The following CNTN3 variants were observed in gnomAD, a reference collection of about 807,000 sequenced individuals.
CNTN3 encodes contactin 3.
In CNTN3, 60 loss-of-function variants were observed where a neutral mutation model predicts 119.1. The ratio of observed to expected loss-of-function variants is 0.50; its 90% CI spans 0.41 to 0.62. The LOEUF is 0.62. CNTN3 is among the 20% of genes least tolerant of loss of function. The pLI is 0.00. For missense variants in CNTN3, 1,101 were observed against 1,242.4 expected (o/e 0.89, Z 1.71); for synonymous variants, 450 against 438.7 (o/e 1.03, Z -0.32).
intron 4 of CNTN3, among the ~76,000 whole-genome samples, chr3:74,427,104 G>T (rs555832724): frequency 2.6e-5 from 4 of 152,218 alleles, no homozygotes; most frequent in Non-Finnish European, 5.9e-5. Flanking sequence ...CATTGGTCTA[G>T]AGACAAGCAT....
chr3:74,544,169 G>C (rs776121439), intron 1 of CNTN3, among the ~76,000 whole-genome samples: 64 of 152,066 alleles, frequency 4.2e-4, no homozygotes, highest in Admixed American at 7.2e-4. Flanking sequence ...TGACAAGGGA[G>C]GTCAGGTTGG....
At chr3:74,283,648 G>A (rs995875720) in intron 20 of CNTN3, among the ~76,000 whole-genome samples, 9 of 152,078 alleles carry the variant, frequency 5.9e-5, no homozygotes, top group African/African-American at 2.2e-4. Flanking sequence ...TTAAGTCAGA[G>A]AAAAGAGCCA....
intron 11 of CNTN3, among the ~76,000 whole-genome samples, chr3:74,343,829 T>G (rs1051108728): frequency 1.3e-5 from 2 of 152,214 alleles, no homozygotes; most frequent in Non-Finnish European, 2.9e-5. Context: ...GGATTTGCAT[T>G]TTTATCACAT....
intron 17 of CNTN3, among the ~76,000 whole-genome samples, chr3:74,299,436 G>C (rs614023): frequency 3.5e-4 from 53 of 151,982 alleles, no homozygotes; most frequent in African/African-American, 1.2e-3. Flanking sequence ...CTTCACCAGT[G>C]GGGGCTGCAC....
chr3:74,457,024 T>A (rs1702282425), intron 4 of CNTN3, among the ~76,000 whole-genome samples: 1 of 152,098 alleles, frequency 6.6e-6, no homozygotes, highest in African/African-American at 2.4e-5. Flanking sequence ...CAACAGTCTG[T>A]TAATGGTCAA....
chr3:74,275,283 C>T (rs1188616533), intron 20 of CNTN3, among the ~76,000 whole-genome samples: 4 of 152,152 alleles, frequency 2.6e-5, no homozygotes, highest in Admixed American at 2.6e-4. Context: ...TATCCAAATA[C>T]AAGAACCAGA....
intron 20 of CNTN3, among the ~76,000 whole-genome samples, chr3:74,272,539 G>C (rs1202633282): frequency 6.6e-6 from 1 of 152,160 alleles, no homozygotes; most frequent in East Asian, 1.9e-4. Context: ...ACACCCTCCT[G>C]AATCTGAGGA....
intron 1 of CNTN3, among the ~76,000 whole-genome samples, chr3:74,581,796 G>C (rs963190116): frequency 1.3e-5 from 2 of 152,094 alleles, no homozygotes; most frequent in Admixed American, 6.5e-5. Flanking sequence ...AGTTCAGAAA[G>C]AGACCCCACT....
At chr3:74,358,581 C>CTTTT (rs1278876442) in intron 11 of CNTN3, among the ~76,000 whole-genome samples, 1,423 of 130,918 alleles carry the variant, frequency 0.011, 25 homozygotes, top group African/African-American at 0.036. Context: ...GAAGTGTATT[C>CTTTT]TTTTTTTTTT....
Position 74,391,883 on chromosome 3 carries a change from C to T in CNTN3, c.455-20484G>A, listed in dbSNP as rs551279191. Reference sequence around the variant, plus strand: ...ATGTTGGTCAGGCTGGTCTTGAACTCCTAACCTCAAGTGATCAGCCCACCT... The same window carrying T: ...ATGTTGGTCAGGCTGGTCTTGAACTTCTAACCTCAAGTGATCAGCCCACCT... On this transcript the variant is annotated intron_variant, in intron 5 of 22. Transcript: ENST00000263665. Among the ~76,000 whole-genome samples, 134 of 152,272 alleles carry T rather than the reference C, an allele frequency of 8.8e-4. 3 individuals carry two copies. The South Asian group carries it at 0.026, about 30-fold the overall frequency.
chr3:74,457,027 A>G (rs1026086640), intron 4 of CNTN3, among the ~76,000 whole-genome samples: 1 of 152,110 alleles, frequency 6.6e-6, no homozygotes, highest in African/African-American at 2.4e-5. Flanking sequence ...CAGTCTGTTA[A>G]TGGTCAAATT....
chr3:74,551,600 AATC>A (rs1703991071), intron 1 of CNTN3, among the ~76,000 whole-genome samples: 2 of 151,722 alleles, frequency 1.3e-5, no homozygotes. Flanking sequence ...CTGCCCTAAA[AATC>A]ATCAGCATCT....
At chr3:74,452,628 T>C (rs1407836969) in intron 4 of CNTN3, among the ~76,000 whole-genome samples, 1 of 108,250 alleles carries the variant, frequency 9.2e-6, no homozygotes, top group Non-Finnish European at 1.9e-5. Flanking sequence ...TTTTTGCCCA[T>C]TCAGTATGAT....
chr3:74,393,738 G>A (rs574119384), intron 5 of CNTN3, among the ~76,000 whole-genome samples: 1 of 152,336 alleles, frequency 6.6e-6, no homozygotes, highest in African/African-American at 2.4e-5. Flanking sequence ...GGGCCAGAAA[G>A]AGATCTGTGA....
chr3:74,443,571 T>C (rs1360756018), intron 4 of CNTN3, among the ~76,000 whole-genome samples: 1 of 152,102 alleles, frequency 6.6e-6, no homozygotes, highest in Non-Finnish European at 1.5e-5. Context: ...CTCTGCACCA[T>C]CTCTCCATCC....
At chr3:74,413,821 T>A (rs1364223319) in intron 5 of CNTN3, among the ~76,000 whole-genome samples, 2 of 152,122 alleles carry the variant, frequency 1.3e-5, no homozygotes, top group Admixed American at 1.3e-4. Flanking sequence ...AAAAACAGGT[T>A]TTAAATAAAA....
chr3:74,556,437 A>G (rs1212516312), intron 1 of CNTN3, among the ~76,000 whole-genome samples: 1 of 152,194 alleles, frequency 6.6e-6, no homozygotes, highest in Non-Finnish European at 1.5e-5. Context: ...CTCACTTAGC[A>G]TAGTATTTTC....
chr3:74,391,209 T>G (rs1704891045), intron 5 of CNTN3, among the ~76,000 whole-genome samples: 1 of 151,714 alleles, frequency 6.6e-6, no homozygotes, highest in East Asian at 1.9e-4. Context: ...AAAATGGGAG[T>G]TTTTCAGATT....
At chr3:74,574,198 A>G (rs937555941) in intron 1 of CNTN3, among the ~76,000 whole-genome samples, 3 of 152,186 alleles carry the variant, frequency 2.0e-5, no homozygotes, top group Non-Finnish European at 2.9e-5. Context: ...ACAAAAGGCC[A>G]CGTATTTTAT....
Sources: allele counts gnomAD v4.1 joint callset (sites outside exome capture counted in the v4.1 genomes callset), GRCh38; gene constraint gnomAD v4.1.1; transcripts MANE v1.5; gene names NCBI Gene and HGNC (gene_info 2026-07-23, HGNC 2026-07-21).